The following ARHGAP24 variants were observed in gnomAD, a reference collection of about 807,000 sequenced individuals.
ARHGAP24 encodes the protein rho GTPase-activating protein 24.
Under a neutral mutation model 76.4 loss-of-function variants are expected in ARHGAP24, and 50 were observed. That is an observed-to-expected ratio of 0.65 (90% CI 0.52 to 0.83). The LOEUF (loss-of-function observed/expected upper bound fraction) is 0.83, where lower values mean the gene tolerates loss of function less well. Among genes scored for constraint, ARHGAP24 ranks in the 40% least tolerant of loss-of-function variants. The probability of loss-of-function intolerance (pLI) is 0.00; values close to 1 mark genes in which losing one functional copy is unlikely to be tolerated. For missense variants in ARHGAP24, 930 were observed against 914.2 expected (o/e 1.02, Z -0.22); for synonymous variants, 345 against 323.3 (o/e 1.07, Z -0.72).
At chr4:85,868,360 C>T (rs906219040) in intron 3 of ARHGAP24, among the ~76,000 whole-genome samples, 2 of 152,054 alleles carry the variant, frequency 1.3e-5, no homozygotes, top group South Asian at 2.1e-4. Context: ...TCTATTCAGA[C>T]CTTTAAAAGG....
intron 3 of ARHGAP24, among the ~76,000 whole-genome samples, chr4:85,859,501 A>G (rs1266598966): frequency 6.6e-6 from 1 of 152,282 alleles, no homozygotes; most frequent in East Asian, 1.9e-4. Context: ...AATAGTCATC[A>G]AACGTTTAAA....
At chr4:85,700,559 ACAGG>A (rs1724045460) in intron 2 of ARHGAP24, among the ~76,000 whole-genome samples, 1 of 152,184 alleles carries the variant, frequency 6.6e-6, no homozygotes, top group Non-Finnish European at 1.5e-5. Flanking sequence ...AGGAAGGATT[ACAGG>A]GGAAGCCAGC....
intron 3 of ARHGAP24, among the ~76,000 whole-genome samples, chr4:85,879,490 T>G (rs1339035917): frequency 6.6e-6 from 1 of 152,126 alleles, no homozygotes; most frequent in African/African-American, 2.4e-5. Context: ...TATTTTCAAA[T>G]ATAAATATTA....
At chr4:85,636,530 T>C (rs571887690) in intron 2 of ARHGAP24, among the ~76,000 whole-genome samples, 2 of 151,906 alleles carry the variant, frequency 1.3e-5, no homozygotes, top group South Asian at 4.1e-4. Flanking sequence ...TAATAGTACC[T>C]ATCTCATAGA....
intron 3 of ARHGAP24, among the ~76,000 whole-genome samples, chr4:85,782,052 GA>G (rs1342695240): frequency 9.7e-3 from 393 of 40,542 alleles, no homozygotes; most frequent in African/African-American, 0.02. Flanking sequence ...AAAAAAAAAA[GA>G]AAAAAAAAAG....
chr4:85,691,261 A>G (rs893324824), intron 2 of ARHGAP24, among the ~76,000 whole-genome samples: 1 of 152,066 alleles, frequency 6.6e-6, no homozygotes. Flanking sequence ...TTTCTTTATG[A>G]CCAAACATTT....
intron 2 of ARHGAP24, among the ~76,000 whole-genome samples, chr4:85,692,188 A>T (rs1172402542): frequency 1.3e-5 from 2 of 152,266 alleles, no homozygotes; most frequent in East Asian, 3.9e-4. Context: ...GTTTTTGATG[A>T]AGAGTCCACT....
chr4:85,896,110 C>T (rs1406890862), intron 3 of ARHGAP24, among the ~76,000 whole-genome samples: 1 of 152,050 alleles, frequency 6.6e-6, no homozygotes, highest in African/African-American at 2.4e-5. Flanking sequence ...TTGTTGATAC[C>T]AAGTATTGCT....
chr4:85,900,225 A>T (rs1687431858), intron 3 of ARHGAP24, among the ~76,000 whole-genome samples: 3 of 152,198 alleles, frequency 2.0e-5, no homozygotes, highest in African/African-American at 7.2e-5. Flanking sequence ...CAATATTATC[A>T]ATTATCAATA....
chr4:85,663,294 T>C (rs1044846431), intron 2 of ARHGAP24, among the ~76,000 whole-genome samples: 1 of 134,660 alleles, frequency 7.4e-6, no homozygotes, highest in Non-Finnish European at 1.7e-5. Flanking sequence ...TGAATGGGAG[T>C]TCACTCATGA....
In ARHGAP24 at chr4:85,660,794, C is replaced by CAAAAAA. The variant is rs34228407; in HGVS notation, c.181-61073_181-61068dup. On this transcript the variant is annotated intron_variant, in intron 2 of 9. Coordinates refer to ENST00000395184, the MANE Select transcript of ARHGAP24 (RefSeq NM_001025616.3). ...CTGGTGACAGAGAGAGACTCCGTCT[C>CAAAAAA]AAAAAAAAAAAAAAAAAAAAAAATC... Among the ~76,000 whole-genome samples the CAAAAAA allele has an allele frequency of 8.2e-3, 485 of 59,402 alleles. 73 individuals carry two copies. Among genetic ancestry groups the CAAAAAA allele is most frequent in the African/African-American group, 0.028 (469 of 16,986 alleles). 39.0% of individuals were successfully genotyped at this position (59,402 alleles called of 152,430 possible).
chr4:85,956,653 G>C (rs1442131782), intron 5 of ARHGAP24, among the ~76,000 whole-genome samples: 1 of 152,184 alleles, frequency 6.6e-6, no homozygotes, highest in Non-Finnish European at 1.5e-5. Context: ...CCAGTGACTA[G>C]TGTTCAGCTC....
intron 1 of ARHGAP24, among the ~76,000 whole-genome samples, chr4:85,483,161 T>C (rs571787858): frequency 6.0e-4 from 92 of 152,314 alleles, no homozygotes; most frequent in African/African-American, 2.2e-3. Context: ...AAGTTAATAG[T>C]TATTATTAAA....
intron 2 of ARHGAP24, among the ~76,000 whole-genome samples, chr4:85,691,609 CTTAA>C (rs767999072): frequency 7.2e-5 from 11 of 152,206 alleles, no homozygotes; most frequent in African/African-American, 2.6e-4. Flanking sequence ...CTTTGTCCTT[CTTAA>C]TTGTTATTGG....
At chr4:85,557,359 G>A (rs528185695) in intron 1 of ARHGAP24, among the ~76,000 whole-genome samples, 3 of 152,356 alleles carry the variant, frequency 2.0e-5, no homozygotes, top group Admixed American at 1.3e-4. Flanking sequence ...AAGGCTCCCA[G>A]GACTCCATGT....
chr4:85,733,582 C>G (rs1019064848), intron 3 of ARHGAP24, among the ~76,000 whole-genome samples: 20 of 152,122 alleles, frequency 1.3e-4, no homozygotes, highest in African/African-American at 4.3e-4. Flanking sequence ...ATAACAAGTA[C>G]TACAAACTGG....
intron 2 of ARHGAP24, among the ~76,000 whole-genome samples, chr4:85,595,766 A>G (rs955619472): frequency 6.6e-6 from 1 of 152,108 alleles, no homozygotes; most frequent in Non-Finnish European, 1.5e-5. Context: ...CATGTGAATT[A>G]TATGAATTAT....
At chr4:85,632,964 TG>T (rs779170580) in intron 2 of ARHGAP24, among the ~76,000 whole-genome samples, 1 of 151,906 alleles carries the variant, frequency 6.6e-6, no homozygotes, top group Non-Finnish European at 1.5e-5. Flanking sequence ...TTTGTTCCAA[TG>T]GGTAACATTT....
In ARHGAP24 at chr4:86,000,800, T is replaced by C; in HGVS notation, c.*78T>C. 6.2e-7 allele frequency: 1 copy of C among 1,601,548 alleles called. No homozygotes were observed. The highest frequency in any genetic ancestry group is 8.5e-7 in the Non-Finnish European group (1 of 1,172,254). ...TGGTGGGATATGACTTAGAACCAGG[T>C]GGCTGGTCACCTGGATGTACAGAAG... On this transcript the variant is annotated 3_prime_UTR_variant, in exon 10 of 10. Transcript: ENST00000395184.
Sources: allele counts gnomAD v4.1 joint callset (sites outside exome capture counted in the v4.1 genomes callset), GRCh38; gene constraint gnomAD v4.1.1; transcripts MANE v1.5; gene names NCBI Gene and HGNC (gene_info 2026-07-23, HGNC 2026-07-21).